MEMO1: variants seen among roughly 807,000 people sequenced by gnomAD.
The protein encoded by MEMO1 is mediator of cell motility 1, also known as protein MEMO1.
In MEMO1, 6 loss-of-function variants were observed where a neutral mutation model predicts 45.2. That is an observed-to-expected ratio of 0.13 (90% CI 0.07 to 0.26). The LOEUF (loss-of-function observed/expected upper bound fraction) is 0.26, where lower values mean the gene tolerates loss of function less well. MEMO1 is among the 10% of genes least tolerant of loss of function. The pLI, the probability that MEMO1 is intolerant of heterozygous loss-of-function variation, is 1.00. For synonymous variants in MEMO1, 78 were observed against 124.3 expected, an observed-to-expected ratio of 0.63 and a Z score of 2.48; for missense variants, 184 against 370.5, an observed-to-expected ratio of 0.50 and a Z score of 4.13.
At chr2:31,967,686 C>T (rs897031480) in intron 2 of MEMO1, among the ~76,000 whole-genome samples, 1 of 152,128 alleles carries the variant, frequency 6.6e-6, no homozygotes, top group African/African-American at 2.4e-5. Flanking sequence ...TCAAGTGATC[C>T]ATCCAGCTTG....
chr2:31,892,271 T>TA (rs1445147270), intron 6 of MEMO1, 137 bp from the exon 7 acceptor site: 15 of 729,646 alleles, frequency 2.1e-5, no homozygotes, highest in South Asian at 7.2e-5. Flanking sequence ...GATGAATTCT[T>TA]AAAATCCATA....
intron 4 of MEMO1, among the ~76,000 whole-genome samples, chr2:31,922,797 T>C (rs1682510758): frequency 6.6e-6 from 1 of 152,072 alleles, no homozygotes; most frequent in African/African-American, 2.4e-5. Context: ...GCAAGTGATA[T>C]GATCTCATTC....
chr2:31,991,406 T>TA (rs1277178557), intron 2 of MEMO1, among the ~76,000 whole-genome samples: 1 of 152,026 alleles, frequency 6.6e-6, no homozygotes, highest in Non-Finnish European at 1.5e-5. Context: ...ACCCCGTCTC[T>TA]ACTAAAAATA....
intron 2 of MEMO1, among the ~76,000 whole-genome samples, chr2:31,997,397 G>C (rs1389179089): frequency 6.6e-6 from 1 of 152,114 alleles, no homozygotes; most frequent in Non-Finnish European, 1.5e-5. Flanking sequence ...ACCACACCCA[G>C]CTAATTTTTA....
intron 8 of MEMO1, among the ~76,000 whole-genome samples, chr2:31,875,538 C>CA (rs1392779963): frequency 6.6e-6 from 1 of 152,078 alleles, no homozygotes; most frequent in Non-Finnish European, 1.5e-5. Context: ...CCAAAATAGT[C>CA]AACCCATTAG....
chr2:31,876,743 G>A (rs761815610), intron 8 of MEMO1, among the ~76,000 whole-genome samples: 55 of 150,646 alleles, frequency 3.7e-4, no homozygotes, highest in Middle Eastern at 3.4e-3. Context: ...TGCAACCATC[G>A]AACCAGCAGC....
chr2:31,920,667 A>C (rs1682190044), intron 5 of MEMO1, 131 bp downstream of exon 5: 1 of 455,734 alleles, frequency 2.2e-6, no homozygotes, highest in Admixed American at 4.5e-5. Context: ...TTTTATGCAG[A>C]TTAGTTATAA....
chr2:31,969,427 ATATG>A (rs912104382), intron 2 of MEMO1, among the ~76,000 whole-genome samples: 630 of 51,210 alleles, frequency 0.012, 4 homozygotes, highest in Non-Finnish European at 0.021. Flanking sequence ...ATATATACAT[ATATG>A]TGTGTGTATA....
At chr2:31,873,123 A>G (rs1047306975) in intron 8 of MEMO1, among the ~76,000 whole-genome samples, 12 of 152,164 alleles carry the variant, frequency 7.9e-5, no homozygotes, top group Non-Finnish European at 1.2e-4. Flanking sequence ...TATTTCTTAA[A>G]AGAGTAGAAG....
chr2:31,888,402 A>C (rs1430409641), intron 7 of MEMO1, among the ~76,000 whole-genome samples: 1 of 152,154 alleles, frequency 6.6e-6, no homozygotes, highest in East Asian at 1.9e-4. Context: ...AACAATCTAA[A>C]TTTAGAAATA....
chr2:31,969,464 G>A (rs545109757), intron 2 of MEMO1, among the ~76,000 whole-genome samples: 1 of 151,268 alleles, frequency 6.6e-6, no homozygotes, highest in Admixed American at 6.6e-5. Flanking sequence ...ACACATATGT[G>A]TATAATGATC....
intron 9 of MEMO1, 83 bp from the exon 10 acceptor site, chr2:31,868,575 C>T (rs1296211708): frequency 2.3e-6 from 3 of 1,301,806 alleles, no homozygotes; most frequent in South Asian, 2.1e-5. Flanking sequence ...ACTTTGTCCA[C>T]TTCACAGCTG....
chr2:31,991,548 G>A (rs1414772955), intron 2 of MEMO1, among the ~76,000 whole-genome samples: 2 of 135,754 alleles, frequency 1.5e-5, no homozygotes, highest in Non-Finnish European at 3.1e-5. Context: ...CCCAGCCTGG[G>A]CAACAAGAGC....
At chr2:31,891,964 C>A in intron 7 of MEMO1, 28 bp downstream of exon 7, 1 of 1,593,982 alleles carries the variant, frequency 6.3e-7, no homozygotes, top group Non-Finnish European at 8.6e-7. Flanking sequence ...ATAACATCTA[C>A]CATGATATGT....
At chr2:31,885,399 C>T (rs547095203) in intron 7 of MEMO1, among the ~76,000 whole-genome samples, 1 of 152,304 alleles carries the variant, frequency 6.6e-6, no homozygotes, top group East Asian at 1.9e-4. Flanking sequence ...GGATTACAGG[C>T]GTGAGCCACC....
chr2:31,940,720 A>T (rs1286943631), intron 3 of MEMO1, among the ~76,000 whole-genome samples: 1 of 152,122 alleles, frequency 6.6e-6, no homozygotes, highest in Non-Finnish European at 1.5e-5. Flanking sequence ...TTTTGTAGAG[A>T]TGGAGTCTTG....
intron 2 of MEMO1, among the ~76,000 whole-genome samples, chr2:31,961,777 CA>C (rs768621938): frequency 1.8e-3 from 242 of 135,634 alleles, no homozygotes; most frequent in Middle Eastern, 3.7e-3. Context: ...GACCCTGACT[CA>C]AAAAAAAAAA....
At chr2:32,002,184 T>TACACACACACAC (rs1468566168) in intron 2 of MEMO1, among the ~76,000 whole-genome samples, 6 of 116,966 alleles carry the variant, frequency 5.1e-5, no homozygotes, top group Non-Finnish European at 8.9e-5. Flanking sequence ...TATATATATA[T>TACACACACACAC]ATACACACAC....
chr2:31,950,966 A>T (rs1478946160), intron 2 of MEMO1, among the ~76,000 whole-genome samples: 1 of 152,178 alleles, frequency 6.6e-6, no homozygotes, highest in Non-Finnish European at 1.5e-5. Context: ...AGAATTCATG[A>T]TTCAACATTT....
Sources: gnomAD v4.1 joint callset for allele counts (sites outside exome capture counted in the v4.1 genomes callset) on GRCh38, gnomAD v4.1.1 for gene constraint, MANE v1.5 for transcripts, NCBI Gene and HGNC (gene_info 2026-07-23, HGNC 2026-07-21) for gene names.